The following TASOR variants were observed in gnomAD, a reference collection of about 807,000 sequenced individuals.
TASOR encodes the protein protein TASOR.
A neutral mutation model predicts 178.6 loss-of-function variants in TASOR; 53 were observed. That is an observed-to-expected ratio of 0.30 (90% CI 0.24 to 0.37). TASOR has a LOEUF of 0.37. Among genes scored for constraint, TASOR ranks in the 10% least tolerant of loss-of-function variants. The pLI, the probability that TASOR is intolerant of heterozygous loss-of-function variation, is 1.00. For missense variants in TASOR, 1,815 were observed against 1,971.4 expected (o/e 0.92, Z 1.50); for synonymous variants, 713 against 696.2 (o/e 1.02, Z -0.38).
At chr3:56,676,418 G>GAACGTAGGACAAAAACATCTT in intron 1 of TASOR, among the ~76,000 whole-genome samples, 1 of 152,136 alleles carries the variant, frequency 6.6e-6, no homozygotes, top group South Asian at 2.1e-4. Flanking sequence ...CTGTGTTATG[G>GAACGTAGGACAAAAACATCTT]AACGTAGGAC....
At chr3:56,677,451 T>C (rs768977103) in intron 1 of TASOR, among the ~76,000 whole-genome samples, 6 of 152,222 alleles carry the variant, frequency 3.9e-5, no homozygotes, top group Non-Finnish European at 7.3e-5. Flanking sequence ...AACTACACTA[T>C]GAAGTTCAAC....
intron 11 of TASOR, among the ~76,000 whole-genome samples, chr3:56,653,469 A>T (rs1035317353): frequency 5.3e-5 from 8 of 151,750 alleles, no homozygotes; most frequent in African/African-American, 1.9e-4. Context: ...AAAAAGATTT[A>T]AAAAGTAGCC....
intron 6 of TASOR, among the ~76,000 whole-genome samples, 189 bp from the exon 7 acceptor site, chr3:56,666,573 G>A (rs2029998494): frequency 6.6e-6 from 1 of 151,992 alleles, no homozygotes. Context: ...AAAATATTCT[G>A]CATCTAAGTG....
At chr3:56,644,989 G>A (rs2077205984) in intron 14 of TASOR, among the ~76,000 whole-genome samples, 1 of 152,128 alleles carries the variant, frequency 6.6e-6, no homozygotes, top group Non-Finnish European at 1.5e-5. Flanking sequence ...TAAAAGGAGA[G>A]CAGGCTGAGC....
Position 56,666,307 on chromosome 3 carries a change from A to T in TASOR, c.975T>A (p.Phe325Leu), listed in dbSNP as rs1192451001. Residue 325 changes from phenylalanine (F) to leucine (L), a missense_variant, in exon 7 of 24, where the codon TTT (phenylalanine) becomes TTA (leucine). Phe to Leu is a conservative substitution (Grantham distance 22). Around this residue, in one of 5 missense-constraint regions of TASOR, gnomAD observed 504 missense variants for 645.3 expected, o/e 0.78. Transcript: ENST00000683822. ...RHVCPYAVVS[F>L]TYKDDIQTPK... ...GAGTTTGTATATCATCTTTGTAAGT[A>T]AAAGACACAACTGCATATGGACAAA... is the stretch of plus-strand genomic sequence containing the variant. 1.3e-6 allele frequency: 2 copies of T among 1,547,604 alleles called. No homozygotes were observed. The highest frequency in any genetic ancestry group is 1.7e-6 in the Non-Finnish European group (2 of 1,145,284).
At chr3:56,635,511 G>C (rs2076998757) in intron 17 of TASOR, among the ~76,000 whole-genome samples, 2 of 152,092 alleles carry the variant, frequency 1.3e-5, no homozygotes, top group Admixed American at 6.6e-5. Flanking sequence ...GGCTGGGGCA[G>C]TATTACTTTC....
intron 2 of TASOR, among the ~76,000 whole-genome samples, chr3:56,671,966 T>C (rs1406324793): frequency 6.6e-6 from 1 of 152,202 alleles, no homozygotes; most frequent in Admixed American, 6.5e-5. Context: ...TATAAATTCA[T>C]GCTTTAATTA....
rs34911835 is a variant in TASOR at position 56,622,545 on chromosome 3, T to A, written c.*492A>T. The stretch of plus-strand genomic sequence containing the variant: ...TGTGTCCTATGTACATAGTTTATTA[T>A]CTAAATGAAACTGCACTGTTAGATA... On this transcript the variant is annotated 3_prime_UTR_variant, in exon 24 of 24. Transcript: ENST00000683822. 5.2e-5 allele frequency: 8 copies of A among 152,648 alleles called. No individual in the cohort carries two copies. Among genetic ancestry groups the A allele is most frequent in the African/African-American group, 1.9e-4 (8 of 41,448 alleles). The allele number at this position is 152,648 out of a possible 1,614,324, so 9.5% of individuals were successfully genotyped here.
intron 18 of TASOR, among the ~76,000 whole-genome samples, chr3:56,629,821 G>C (rs1432055372): frequency 6.6e-6 from 1 of 152,146 alleles, no homozygotes; most frequent in Non-Finnish European, 1.5e-5. Context: ...CTTTCAACCT[G>C]AAGTGTTACC....
At chr3:56,675,031 T>C (rs1352860255) in intron 1 of TASOR, among the ~76,000 whole-genome samples, 1 of 152,136 alleles carries the variant, frequency 6.6e-6, no homozygotes, top group African/African-American at 2.4e-5. Context: ...TTCACTGTGT[T>C]AGCCAGGATG....
intron 17 of TASOR, among the ~76,000 whole-genome samples, chr3:56,637,679 A>G (rs2077044881): frequency 6.6e-6 from 1 of 152,136 alleles, no homozygotes; most frequent in Non-Finnish European, 1.5e-5. Flanking sequence ...GGGAACTCCC[A>G]AAGGAAATAA....
chr3:56,675,495 C>T (rs976746062), intron 1 of TASOR, among the ~76,000 whole-genome samples: 4 of 152,132 alleles, frequency 2.6e-5, no homozygotes, highest in Non-Finnish European at 5.9e-5. Context: ...ATTTTTAAAA[C>T]ATTTAAATCA....
In TASOR at chr3:56,683,121, C is replaced by T. The variant is rs2031953921; in HGVS notation, c.-115G>A. The T allele has an allele frequency of 1.7e-6, 2 of 1,210,636 alleles. No individual in the cohort carries two copies. Among genetic ancestry groups the T allele is most frequent in the South Asian group, 1.6e-5 (1 of 61,544 alleles). The allele number at this position is 1,210,636 out of a possible 1,614,324, so 75.0% of individuals were successfully genotyped here. On this transcript the variant is annotated 5_prime_UTR_variant, in exon 1 of 24. Transcript: ENST00000683822. The stretch of plus-strand genomic sequence containing the variant: ...CTGCTCTCAGCCCACCCACCCCCTT[C>T]CCCCCGTGGCCTCAGGCTGCGCTCC...
Position 56,621,323 on chromosome 3 carries a change from A to T in TASOR, c.*1714T>A. Reference sequence around the variant, plus strand: ...TCTAAGAAAATTTTCATCCCTATTGATTTTTATGCTAAAAACAGAATCTTA... The same window carrying T: ...TCTAAGAAAATTTTCATCCCTATTGTTTTTTATGCTAAAAACAGAATCTTA... On this transcript the variant is annotated 3_prime_UTR_variant, in exon 24 of 24. Transcript: ENST00000683822. 2.7e-6 allele frequency: 1 copy of T among 373,962 alleles called. No homozygotes were observed. Among genetic ancestry groups the T allele is most frequent in the Non-Finnish European group, 4.8e-6 (1 of 207,986 alleles). 23.2% of individuals were successfully genotyped at this position (373,962 alleles called of 1,614,324 possible).
intron 11 of TASOR, among the ~76,000 whole-genome samples, chr3:56,657,199 G>T (rs1486513979): frequency 6.7e-6 from 1 of 148,408 alleles, no homozygotes; most frequent in South Asian, 2.1e-4. Context: ...ATGGTGGCAG[G>T]CGCCTGTAAT....
At chr3:56,630,582 G>A (rs187181408) in intron 18 of TASOR, among the ~76,000 whole-genome samples, 290 of 152,288 alleles carry the variant, frequency 1.9e-3, no homozygotes, top group African/African-American at 6.6e-3. Flanking sequence ...GATGGCTCAC[G>A]CCTGTAATCC....
rs778196155 is a variant in TASOR at position 56,640,129 on chromosome 3, T to A, written c.2621A>T (p.Asp874Val). 6.2e-7 allele frequency: 1 copy of A among 1,612,214 alleles called. No homozygotes were observed. The highest frequency in any genetic ancestry group is 1.1e-5 in the South Asian group (1 of 90,420). The change falls in exon 16 of 24, where the codon GAT (aspartate) becomes GTT (valine). Residue 874 changes from aspartate to valine, a missense_variant and splice_region_variant. By Grantham distance (152) the Asp-to-Val change is radical. This residue lies in a region of TASOR where 655 missense variants were observed against 671.1 expected (regional missense o/e 0.98). Transcript: ENST00000683822. ...GTDHKLHLKE[D>V]PNLISVNNFE... ...ATTATTCACGCTAATTAAATTTGGATCCTAAAAATCAAAGTACACACTGAA... is the reference window on the plus strand; with the variant it reads ...ATTATTCACGCTAATTAAATTTGGAACCTAAAAATCAAAGTACACACTGAA...
At chr3:56,674,561 C>T (rs767233992) in intron 1 of TASOR, among the ~76,000 whole-genome samples, 13 of 151,976 alleles carry the variant, frequency 8.6e-5, no homozygotes, top group Non-Finnish European at 1.6e-4. Flanking sequence ...CTTGTATAAT[C>T]CACAAAAAGT....
chr3:56,628,368 A>G, intron 19 of TASOR, 124 bp downstream of exon 19: 1 of 847,102 alleles, frequency 1.2e-6, no homozygotes, highest in Non-Finnish European at 1.8e-6. Context: ...GCTGATTCAC[A>G]GATGGGTCCT....
Sources: gnomAD v4.1 joint callset for allele counts (sites outside exome capture counted in the v4.1 genomes callset) on GRCh38, gnomAD v4.1.1 for gene constraint, gnomAD v4.1.1 regional missense constraint, MANE v1.5 for transcripts, NCBI Gene and HGNC (gene_info 2026-07-23, HGNC 2026-07-21) for gene names.